Variants in DIAPH2 observed in about 807,000 individuals in gnomAD.
DIAPH2 encodes protein diaphanous homolog 2.
DIAPH2 carries 35 observed loss-of-function variants against 92.7 expected under a neutral mutation model. The observed-to-expected ratio is 0.38, with a 90% CI of 0.29 to 0.50. The LOEUF is 0.50. Ranked by LOEUF, DIAPH2 falls within the 20% of genes least tolerant of loss-of-function variation. The probability of loss-of-function intolerance (pLI) is 0.94; values close to 1 mark genes in which losing one functional copy is unlikely to be tolerated. For missense variants in DIAPH2, 701 were observed against 819.5 expected (o/e 0.86, Z 1.77); for synonymous variants, 301 against 280.4 (o/e 1.07, Z -0.73).
intron 19 of DIAPH2, among the ~76,000 whole-genome samples, chrX:97,076,878 T>C (rs1429263376): frequency 9.0e-6 from 1 of 111,720 alleles, no homozygotes; most frequent in Admixed American, 9.5e-5. Context: ...ATTTTACCCA[T>C]ATCCTGCTTT....
chrX:97,077,473 A>G (rs2066712937), intron 19 of DIAPH2, among the ~76,000 whole-genome samples: 1 of 112,420 alleles, frequency 8.9e-6, no homozygotes, highest in Non-Finnish European at 1.9e-5. Flanking sequence ...GCTAAACTCC[A>G]TCCATGCATA....
chrX:96,992,477 G>A (rs1396009085), intron 17 of DIAPH2, among the ~76,000 whole-genome samples: 1 of 111,982 alleles, frequency 8.9e-6, no homozygotes, highest in African/African-American at 3.2e-5. Context: ...CTGGAACAGA[G>A]CTTTCCTGAC....
At chrX:97,023,169 TG>T (rs778768108) in intron 17 of DIAPH2, among the ~76,000 whole-genome samples, 70 of 110,961 alleles carry the variant, frequency 6.3e-4, no homozygotes, top group African/African-American at 2.0e-3. Context: ...TTTATTATAA[TG>T]TTTTGTCATT....
At chrX:97,468,263 A>G (rs756442312) in intron 26 of DIAPH2, among the ~76,000 whole-genome samples, 1 of 111,522 alleles carries the variant, frequency 9.0e-6, no homozygotes, top group African/African-American at 3.3e-5. Context: ...TGCTCTTAGT[A>G]ATCATTGTGG....
At chrX:97,053,142 A>G (rs1049489258) in intron 17 of DIAPH2, among the ~76,000 whole-genome samples, 1 of 110,853 alleles carries the variant, frequency 9.0e-6, no homozygotes, top group African/African-American at 3.3e-5. Flanking sequence ...TTCCACTTTG[A>G]TTAGGCCCTA....
rs777014321 is a variant in DIAPH2 at position 96,925,776 on chromosome X, C to T, written c.979-4957C>T. Among the ~76,000 whole-genome samples the T allele has an allele frequency of 3.8e-4, 42 of 111,683 alleles. 1 individual carries two copies. Among genetic ancestry groups the T allele is most frequent in the Non-Finnish European group, 6.4e-4 (34 of 53,066 alleles). Reference sequence around the variant, plus strand: ...GTTGCTTTCTCTTTCGCCTCATATTCCACCACCCTTCTACATATGTTTTTA... The same window carrying T: ...GTTGCTTTCTCTTTCGCCTCATATTTCACCACCCTTCTACATATGTTTTTA... On this transcript the variant is annotated intron_variant, in intron 9 of 26. Transcript: ENST00000324765.
intron 23 of DIAPH2, among the ~76,000 whole-genome samples, chrX:97,254,492 C>CA (rs1172020847): frequency 0.068 from 1,938 of 28,297 alleles, 47 homozygotes; most frequent in African/African-American, 0.11. Context: ...AACTCTGTCT[C>CA]AAAAAAAAAA....
At chrX:97,321,695 G>A (rs1008541413) in intron 23 of DIAPH2, among the ~76,000 whole-genome samples, 3 of 108,651 alleles carry the variant, frequency 2.8e-5, no homozygotes, top group African/African-American at 6.7e-5. Context: ...GACTACAGGC[G>A]CCCACCACCA....
At chrX:97,287,439 T>A (rs1280477706) in intron 23 of DIAPH2, among the ~76,000 whole-genome samples, 1 of 111,755 alleles carries the variant, frequency 8.9e-6, no homozygotes, top group Non-Finnish European at 1.9e-5. Context: ...CACTGAAAAA[T>A]GCGAAGAGTC....
chrX:96,823,266 G>A (rs934307645), intron 4 of DIAPH2, among the ~76,000 whole-genome samples: 1 of 111,326 alleles, frequency 9.0e-6, no homozygotes, highest in African/African-American at 3.2e-5. Flanking sequence ...TGAAGCAGAT[G>A]TATAAAAAAT....
chrX:96,688,923 C>G (rs1052806708), intron 1 of DIAPH2, among the ~76,000 whole-genome samples: 3 of 109,313 alleles, frequency 2.7e-5, no homozygotes, highest in Non-Finnish European at 5.7e-5. Context: ...TGTATTACAG[C>G]CTTGGCGACA....
intron 26 of DIAPH2, among the ~76,000 whole-genome samples, chrX:97,585,752 A>G (rs985742043): frequency 9.0e-6 from 1 of 111,031 alleles, no homozygotes; most frequent in African/African-American, 3.3e-5. Context: ...TTACTCCTCA[A>G]CCTTCTGCAA....
chrX:97,051,509 G>GT (rs1244276412), intron 17 of DIAPH2, among the ~76,000 whole-genome samples: 40 of 73,519 alleles, frequency 5.4e-4, no homozygotes, highest in African/African-American at 7.7e-4. Flanking sequence ...GTCTTGCTTT[G>GT]TTTTTTTTTC....
At chrX:96,919,132 CACT>C (rs1334038212) in intron 9 of DIAPH2, among the ~76,000 whole-genome samples, 1 of 112,273 alleles carries the variant, frequency 8.9e-6, no homozygotes, top group Non-Finnish European at 1.9e-5. Flanking sequence ...TGACAAAACT[CACT>C]ATCTTTACCT....
chrX:97,191,338 GAAAAAA>G (rs375630265), intron 22 of DIAPH2, among the ~76,000 whole-genome samples: 8 of 101,951 alleles, frequency 7.8e-5, no homozygotes, highest in Admixed American at 2.1e-4. Context: ...AAAAAAAAAA[GAAAAAA>G]AAAAGAAAAA....
chrX:96,746,437 C>T (rs1307886618), intron 3 of DIAPH2, among the ~76,000 whole-genome samples: 1 of 112,096 alleles, frequency 8.9e-6, no homozygotes, highest in African/African-American at 3.2e-5. Flanking sequence ...TCTTGTCTCC[C>T]TCCCATACCC....
At chrX:96,983,128 A>C (rs936933960) in intron 17 of DIAPH2, among the ~76,000 whole-genome samples, 27 of 110,937 alleles carry the variant, frequency 2.4e-4, no homozygotes, top group African/African-American at 8.2e-4. Flanking sequence ...AATGTTGTCT[A>C]TTATCTTTAT....
chrX:96,984,929 A>G (rs914994924), intron 17 of DIAPH2, among the ~76,000 whole-genome samples: 2 of 111,572 alleles, frequency 1.8e-5, no homozygotes, highest in Non-Finnish European at 3.8e-5. Context: ...CCTGTACGAC[A>G]ATGTTGTTAT....
chrX:97,460,438 A>G (rs2073428034), intron 26 of DIAPH2, among the ~76,000 whole-genome samples: 1 of 112,503 alleles, frequency 8.9e-6, no homozygotes, highest in South Asian at 3.6e-4. Context: ...ATTTCAATAA[A>G]TGCCTTAATA....
Sources: gnomAD v4.1 joint callset for allele counts (sites outside exome capture counted in the v4.1 genomes callset) on GRCh38, gnomAD v4.1.1 for gene constraint, MANE v1.5 for transcripts, NCBI Gene and HGNC (gene_info 2026-07-23, HGNC 2026-07-21) for gene names.